The following AFAP1 variants were observed in gnomAD, a reference collection of about 807,000 sequenced individuals.
AFAP1 encodes the protein actin filament-associated protein 1.
AFAP1 carries 75 observed loss-of-function variants against 93.9 expected under a neutral mutation model. The observed-to-expected ratio is 0.80, with a 90% CI of 0.66 to 0.97. AFAP1 has a LOEUF of 0.97. Ranked by LOEUF, AFAP1 falls within the 50% of genes least tolerant of loss-of-function variation. The probability of loss-of-function intolerance (pLI) is 0.00; values close to 1 mark genes in which losing one functional copy is unlikely to be tolerated. For missense variants in AFAP1, 1,201 were observed against 1,050.8 expected (o/e 1.14, Z -1.98); for synonymous variants, 517 against 430.7 (o/e 1.20, Z -2.48).
rs138289300 is a variant in AFAP1 at position 7,900,998 on chromosome 4, A to C, written c.-2-28918T>G. ...TGGGCTAGGGAATCTGTTGCTTTCC[A>C]ATGCCTTCCTTCTGCGATTCCAGCG... On this transcript the variant is annotated intron_variant, in intron 1 of 17. Coordinates refer to ENST00000420658, the MANE Select transcript of AFAP1 (RefSeq NM_001134647.2). Among the ~76,000 whole-genome samples the C allele has an allele frequency of 1.4e-3, 209 of 152,324 alleles. 2 individuals are homozygous for C. In the East Asian group the frequency reaches 0.035, roughly 25 times the overall value.
intron 11 of AFAP1, among the ~76,000 whole-genome samples, chr4:7,793,384 T>C (rs1187890346): frequency 6.6e-6 from 1 of 152,200 alleles, no homozygotes. Flanking sequence ...TTATGTACGG[T>C]GTCCAGCTGC....
intron 1 of AFAP1, among the ~76,000 whole-genome samples, chr4:7,886,275 A>G (rs752040946): frequency 6.6e-6 from 1 of 152,236 alleles, no homozygotes; most frequent in Non-Finnish European, 1.5e-5. Context: ...TGAACGTCTA[A>G]GGACTGCTGT....
intron 1 of AFAP1, among the ~76,000 whole-genome samples, chr4:7,925,703 G>A (rs1720690216): frequency 1.3e-5 from 2 of 152,306 alleles, no homozygotes; most frequent in South Asian, 4.1e-4. Context: ...AAATTAGCCA[G>A]GCATGGTGGC....
At chr4:7,831,958 T>G (rs952226471) in intron 6 of AFAP1, among the ~76,000 whole-genome samples, 34 of 151,946 alleles carry the variant, frequency 2.2e-4, no homozygotes, top group African/African-American at 8.2e-4. Context: ...CCCAACACAG[T>G]GAGAATGAAA....
chr4:7,770,323 G>T (rs1224657344), intron 16 of AFAP1, among the ~76,000 whole-genome samples: 1 of 152,208 alleles, frequency 6.6e-6, no homozygotes, highest in East Asian at 1.9e-4. Context: ...ATAGAAGAGA[G>T]TGGGCAGCTG....
At position 7,763,094 on chromosome 4, in the gene AFAP1, C is replaced by T. The variant is rs2107182; in HGVS notation, c.*671G>A. On this transcript the variant is annotated 3_prime_UTR_variant, in exon 18 of 18. Transcript: ENST00000420658. The stretch of plus-strand genomic sequence containing the variant: ...TGTGACACACAGTAAAAAGACATTC[C>T]TAAAAAACAGGTTAAGAAGAATGGC... 0.81 allele frequency: 123,676 copies of T among 152,600 alleles called. 50,761 individuals carry two copies. The highest frequency in any genetic ancestry group is 0.93 in the East Asian group (4,803 of 5,184). The allele number at this position is 152,600 out of a possible 1,614,324, so 9.5% of individuals were successfully genotyped here.
chr4:7,801,440 A>T (rs1689871136), intron 9 of AFAP1, among the ~76,000 whole-genome samples: 1 of 152,188 alleles, frequency 6.6e-6, no homozygotes, highest in African/African-American at 2.4e-5. Context: ...ATTTAAAAAA[A>T]AAAACCTCCT....
In AFAP1 at chr4:7,855,397, A is replaced by G. The variant is rs970323750; in HGVS notation, c.334+69T>C. On this transcript the variant is annotated intron_variant, in intron 4 of 17. Coordinates refer to ENST00000420658, the MANE Select transcript of AFAP1 (RefSeq NM_001134647.2). ...ACCCTGTTGCCCTTCCTACCCAGAA[A>G]GGGGACAGGCTCTGCAACAGTCCTG... The G allele has an allele frequency of 1.7e-5, 21 of 1,255,240 alleles. No homozygotes were observed. In the South Asian group the frequency reaches 2.1e-4, roughly 13 times the overall value. The allele number at this position is 1,255,240 out of a possible 1,614,324, so 77.8% of individuals were successfully genotyped here. A position where few individuals can be genotyped will look rare whatever the true frequency, so the allele number is the denominator to read the frequency against.
At chr4:7,856,279 G>C (rs565503366) in intron 3 of AFAP1, among the ~76,000 whole-genome samples, 1 of 151,350 alleles carries the variant, frequency 6.6e-6, no homozygotes, top group South Asian at 2.1e-4. Context: ...GTCTTGCTTT[G>C]TCACCCAGGC....
intron 1 of AFAP1, among the ~76,000 whole-genome samples, chr4:7,886,715 G>T (rs982301217): frequency 3.3e-5 from 5 of 152,112 alleles, no homozygotes; most frequent in African/African-American, 1.2e-4. Context: ...CCTAGATCTG[G>T]GTATGTTTTT....
chr4:7,899,386 T>A (rs1577344931), intron 1 of AFAP1, among the ~76,000 whole-genome samples: 3 of 152,094 alleles, frequency 2.0e-5, no homozygotes, highest in Admixed American at 2.0e-4. Context: ...GAATGACGAG[T>A]TAAGAACCGT....
intron 15 of AFAP1, 36 bp from the exon 16 acceptor site, chr4:7,773,046 G>C: frequency 6.3e-7 from 1 of 1,589,528 alleles, no homozygotes; most frequent in Non-Finnish European, 8.5e-7. Flanking sequence ...TCCCGCGGCA[G>C]GCACAGGTTC....
At chr4:7,857,558 G>T (rs903525210) in intron 3 of AFAP1, among the ~76,000 whole-genome samples, 6 of 152,154 alleles carry the variant, frequency 3.9e-5, no homozygotes, top group African/African-American at 1.4e-4. Flanking sequence ...ACCATCTCCA[G>T]GTCCTTCATA....
At chr4:7,815,165 G>A (rs1013358796) in intron 8 of AFAP1, among the ~76,000 whole-genome samples, 1 of 152,128 alleles carries the variant, frequency 6.6e-6, no homozygotes, top group Non-Finnish European at 1.5e-5. Flanking sequence ...AGAAGGACAC[G>A]GCCTGTAGGA....
chr4:7,837,555 C>G (rs1484696604), intron 6 of AFAP1, among the ~76,000 whole-genome samples: 1 of 152,198 alleles, frequency 6.6e-6, no homozygotes, highest in Non-Finnish European at 1.5e-5. Flanking sequence ...ATAAGCCACT[C>G]AGTTTATCAT....
chr4:7,937,550 T>C (rs4235266), intron 1 of AFAP1, among the ~76,000 whole-genome samples: 41,961 of 152,100 alleles, frequency 0.28, 6,996 homozygotes, highest in East Asian at 0.74. Flanking sequence ...GCAGTGGAGT[T>C]ATTTCAACTC....
intron 1 of AFAP1, among the ~76,000 whole-genome samples, chr4:7,923,498 G>C (rs1414105772): frequency 6.6e-6 from 1 of 152,068 alleles, no homozygotes; most frequent in African/African-American, 2.4e-5. Context: ...TTTTTTATTT[G>C]AGATGGAGTC....
chr4:7,932,527 G>A (rs1043545537), intron 1 of AFAP1, among the ~76,000 whole-genome samples: 21 of 152,292 alleles, frequency 1.4e-4, no homozygotes, highest in Non-Finnish European at 2.4e-4. Flanking sequence ...AACTTGAAAA[G>A]GCAAGGTCCC....
chr4:7,914,156 G>T (rs1445375901), intron 1 of AFAP1, among the ~76,000 whole-genome samples: 1 of 151,786 alleles, frequency 6.6e-6, no homozygotes, highest in East Asian at 1.9e-4. Flanking sequence ...CCAGGTTCAA[G>T]CGATTCTCCT....
Sources: gnomAD v4.1 joint callset for allele counts (sites outside exome capture counted in the v4.1 genomes callset) on GRCh38, gnomAD v4.1.1 for gene constraint, MANE v1.5 for transcripts, NCBI Gene and HGNC (gene_info 2026-07-23, HGNC 2026-07-21) for gene names.